ART4: variants seen among roughly 807,000 people sequenced by gnomAD.
ART4 encodes the protein ecto-ADP-ribosyltransferase 4.
ART4 carries 14 observed loss-of-function variants against 24.2 expected under a neutral mutation model. The ratio of observed to expected loss-of-function variants is 0.58; its 90% confidence interval spans 0.38 to 0.90. The LOEUF (loss-of-function observed/expected upper bound fraction) is 0.90. Among genes scored for constraint, ART4 ranks in the 40% least tolerant of loss-of-function variants. The pLI, the probability that ART4 is intolerant of heterozygous loss-of-function variation, is 0.00. For synonymous variants in ART4, 145 were observed against 139.9 expected, an observed-to-expected ratio of 1.04 and a Z score of -0.26; for missense variants, 356 against 366.6, an observed-to-expected ratio of 0.97 and a Z score of 0.24.
rs187129757 is a variant in ART4, at chr12:14,841,172, C to A, written c.145-19G>T. The A allele has an allele frequency of 4.5e-6, 7 of 1,559,032 alleles. No homozygotes were observed. In the African/African-American group the frequency reaches 6.9e-5, roughly 15 times the overall value. ...TTGCAACCTGTAAAAAAAGAAAAATCTTGAGTTTAATTTTTCAAATCAGAT... is the reference window on the plus strand; with the variant it reads ...TTGCAACCTGTAAAAAAAGAAAAATATTGAGTTTAATTTTTCAAATCAGAT... On this transcript the variant is annotated intron_variant, in intron 1 of 2. Coordinates refer to ENST00000228936, the MANE Select transcript of ART4 (RefSeq NM_021071.4).
At position 14,840,948 on chromosome 12, in the gene ART4, G is replaced by A. The variant is rs28362798; in HGVS notation, c.350C>T (p.Thr117Ile). 3.2e-3 allele frequency: 5,183 copies of A among 1,614,188 alleles called. 147 individuals carry two copies. The African/African-American group carries it at 0.058, about 18-fold the overall frequency. Residue 117 changes from threonine (T) to isoleucine (I), a missense_variant, in exon 2 of 3, where the codon ACC becomes ATC. Thr to Ile is a moderately conservative substitution (Grantham distance 89). Transcript: ENST00000228936. ...AAACAAAATAGCCACAGCGTGTGTG[G>A]TAGTCATGTTCTGGGGTAGAACTTT... ...QGKVLPQNMT[T>I]THAVAILFYT...
chr12:14,826,117 T>C lies in ART4; in HGVS notation c.*3254A>G, dbSNP rs1192793845. On this transcript the variant is annotated 3_prime_UTR_variant, in exon 3 of 3. Coordinates refer to ENST00000228936, the MANE Select transcript of ART4 (RefSeq NM_021071.4). The stretch of plus-strand genomic sequence containing the variant: ...TATCCCAGCAGAAATTACAGTGAAA[T>C]TTCTAAAACTAGTCTCTTAGAGTTT... 1 of 152,216 alleles carries C rather than the reference T, an allele frequency of 6.6e-6. No homozygotes were observed. Among genetic ancestry groups the C allele is most frequent in the Non-Finnish European group, 1.5e-5 (1 of 68,020 alleles). 9.4% of individuals were successfully genotyped at this position (152,216 alleles called of 1,614,324 possible).
Position 14,837,980 on chromosome 12 carries a change from G to A in ART4, c.853+2465C>T, listed in dbSNP as rs183196970. 8.5e-5 allele frequency among the ~76,000 whole-genome samples: 13 copies of A among 152,310 alleles called. No individual in the cohort carries two copies. The East Asian group carries it at 2.5e-3, about 29-fold the overall frequency. ...AACAGAGTGGGTCTGGGCTCAAACT[G>A]CCTGCCTGCCTAGTTCTCAAATACT... On this transcript the variant is annotated intron_variant, in intron 2 of 2. Transcript: ENST00000228936.
At chr12:14,836,260 G>A (rs1284874898) in intron 2 of ART4, among the ~76,000 whole-genome samples, 1 of 152,006 alleles carries the variant, frequency 6.6e-6, no homozygotes, top group Non-Finnish European at 1.5e-5. Context: ...TTCATTCAAA[G>A]GAGGCGCTTT....
At chr12:14,836,762 T>G (rs1288053018) in intron 2 of ART4, among the ~76,000 whole-genome samples, 4 of 152,174 alleles carry the variant, frequency 2.6e-5, no homozygotes, top group Non-Finnish European at 4.4e-5. Flanking sequence ...ATTCCTCTCC[T>G]TCTTTTACCT....
At chr12:14,832,459 A>G (rs1309661195) in intron 2 of ART4, among the ~76,000 whole-genome samples, 2 of 152,124 alleles carry the variant, frequency 1.3e-5, no homozygotes, top group Admixed American at 6.6e-5. Flanking sequence ...ACTCCTTCCC[A>G]TAGTGTTCAC....
At chr12:14,838,854 G>A (rs1950447109) in intron 2 of ART4, among the ~76,000 whole-genome samples, 1 of 151,732 alleles carries the variant, frequency 6.6e-6, no homozygotes, top group African/African-American at 2.4e-5. Context: ...CCTGCAACTG[G>A]GTTCCAGCTG....
intron 2 of ART4, among the ~76,000 whole-genome samples, chr12:14,835,701 G>T (rs1017851560): frequency 6.6e-6 from 1 of 151,822 alleles, no homozygotes; most frequent in Non-Finnish European, 1.5e-5. Flanking sequence ...TGCCTCCTGG[G>T]TTCAAGTGAT....
At chr12:14,840,148 G>A (rs1357402223) in intron 2 of ART4, among the ~76,000 whole-genome samples, 1 of 152,162 alleles carries the variant, frequency 6.6e-6, no homozygotes, top group Non-Finnish European at 1.5e-5. Context: ...GAGTTTGAGG[G>A]AGAAGGTAAA....
rs1950460973 is a variant in ART4 at position 14,840,560 on chromosome 12, C to G, written c.738G>C (p.Leu246Phe). ...VQYFSLKKEV[L>F]IPPYELFKVI... ...CTTTAAACAGCTCATAGGGAGGGAT[C>G]AAGACTTCCTTCTTGAGGGAGAAGT... Residue 246 changes from leucine (L) to phenylalanine (F), a missense_variant, in exon 2 of 3, where the codon TTG becomes TTC. Leu to Phe is a conservative substitution (Grantham distance 22). Transcript: ENST00000228936. The G allele has an allele frequency of 1.2e-6, 2 of 1,614,126 alleles. No homozygotes were observed. Among genetic ancestry groups the G allele is most frequent in the Non-Finnish European group, 8.5e-7 (1 of 1,180,010 alleles).
At chr12:14,842,888 G>T in intron 1 of ART4, 82 bp downstream of exon 1, 3 of 1,451,564 alleles carry the variant, frequency 2.1e-6, no homozygotes, top group Non-Finnish European at 1.8e-6. Context: ...CTAAGTTTTC[G>T]GCCATTTAAA....
chr12:14,835,267 C>T (rs891174131), intron 2 of ART4, among the ~76,000 whole-genome samples: 1 of 152,162 alleles, frequency 6.6e-6, no homozygotes, highest in Non-Finnish European at 1.5e-5. Flanking sequence ...TTCCAGAACA[C>T]CATCTGTGAA....
intron 2 of ART4, among the ~76,000 whole-genome samples, chr12:14,835,832 T>C (rs546947617): frequency 6.6e-6 from 1 of 152,226 alleles, no homozygotes; most frequent in East Asian, 1.9e-4. Context: ...CTCGATCTCC[T>C]GACCTTGTGA....
chr12:14,836,237 G>C (rs1226413713), intron 2 of ART4, among the ~76,000 whole-genome samples: 1 of 152,010 alleles, frequency 6.6e-6, no homozygotes, highest in Non-Finnish European at 1.5e-5. Context: ...ATTAAGTTGA[G>C]AACTTTAAAC....
intron 1 of ART4, among the ~76,000 whole-genome samples, chr12:14,841,864 T>A (rs1294235787): frequency 6.6e-6 from 1 of 152,202 alleles, no homozygotes; most frequent in Non-Finnish European, 1.5e-5. Flanking sequence ...AACAGAGAAC[T>A]GATGCCCTTT....
Position 14,841,170 on chromosome 12 carries a change from A to G in ART4, c.145-17T>C, listed in dbSNP as rs759583311. On this transcript the variant is annotated splice_polypyrimidine_tract_variant and intron_variant, in intron 1 of 2. Transcript: ENST00000228936. ...AATTGCAACCTGTAAAAAAAGAAAA[A>G]TCTTGAGTTTAATTTTTCAAATCAG... 11 of 1,560,382 alleles carry G rather than the reference A, an allele frequency of 7.0e-6. No individual in the cohort carries two copies. In the African/African-American group the frequency reaches 1.4e-4, roughly 20 times the overall value.
intron 2 of ART4, among the ~76,000 whole-genome samples, chr12:14,833,701 G>A (rs931912308): frequency 6.6e-6 from 1 of 152,150 alleles, no homozygotes; most frequent in African/African-American, 2.4e-5. Context: ...TTTATTTCAT[G>A]AAGTCTGAAT....
chr12:14,830,649 G>GTATATATATATATATA (rs3084548), intron 2 of ART4, among the ~76,000 whole-genome samples: 1 of 25,956 alleles, frequency 3.9e-5, no homozygotes, highest in African/African-American at 1.2e-4. Context: ...CTGTATGTAT[G>GTATATATATATATATA]TATATATATA....
rs543479925 is a variant in ART4 at position 14,830,723 on chromosome 12, T to G, written c.854-1261A>C. ...TACAGTAATTTCTGTCTTATTTTTTTGAGTTGGAGTTCTCACTCTGTCACC... is the reference window on the plus strand; with the variant it reads ...TACAGTAATTTCTGTCTTATTTTTTGGAGTTGGAGTTCTCACTCTGTCACC... On this transcript the variant is annotated intron_variant, in intron 2 of 2. Coordinates refer to ENST00000228936, the MANE Select transcript of ART4 (RefSeq NM_021071.4). Among the ~76,000 whole-genome samples, 4 of 135,846 alleles carry G rather than the reference T, an allele frequency of 2.9e-5. No individual in the cohort carries two copies. In the South Asian group the frequency reaches 9.5e-4, roughly 32 times the overall value. The allele number at this position is 135,846 out of a possible 152,430, so 89.1% of individuals were successfully genotyped here. A position where few individuals can be genotyped will look rare whatever the true frequency, so the allele number is the denominator to read the frequency against.
Sources: allele counts gnomAD v4.1 joint callset (sites outside exome capture counted in the v4.1 genomes callset), GRCh38; gene constraint gnomAD v4.1.1; transcripts MANE v1.5; gene names NCBI Gene and HGNC (gene_info 2026-07-23, HGNC 2026-07-21).